SV2C: variants seen among roughly 807,000 people sequenced by gnomAD.
The protein encoded by SV2C is solute carrier family 22 member B3.
A neutral mutation model predicts 79.7 loss-of-function variants in SV2C; 49 were observed. The ratio of observed to expected loss-of-function variants is 0.61; its 90% CI spans 0.49 to 0.78. The LOEUF (loss-of-function observed/expected upper bound fraction) is 0.78. SV2C is among the 30% of genes least tolerant of loss of function. The pLI, the probability that SV2C is intolerant of heterozygous loss-of-function variation, is 0.00. For synonymous variants in SV2C, 334 were observed against 333.2 expected (o/e 1.00, Z -0.03); for missense variants, 833 against 912.9 (o/e 0.91, Z 1.13).
chr5:76,072,402 G>A, the SV2C span, among the ~76,000 whole-genome samples: 2 of 152,192 alleles, frequency 1.3e-5, no homozygotes, highest in African/African-American at 4.8e-5. Context: ...TTGTACTACA[G>A]GAAATGAAAT....
chr5:75,855,798 A>G, the SV2C span, among the ~76,000 whole-genome samples: 2 of 152,184 alleles, frequency 1.3e-5, no homozygotes, highest in South Asian at 4.1e-4. Context: ...TTGAATTACA[A>G]ATGATCCAGT....
the SV2C span, among the ~76,000 whole-genome samples, chr5:76,066,848 T>G: frequency 6.6e-6 from 1 of 151,400 alleles, no homozygotes; most frequent in Non-Finnish European, 1.5e-5. Context: ...CAGACTTCAT[T>G]GCCAAGGAAA....
rs116202684 is a variant in SV2C at position 76,175,010 on chromosome 5, G to A, written c.581-19909G>A. Among the ~76,000 whole-genome samples, 1,425 of 152,290 alleles carry A rather than the reference G, an allele frequency of 9.4e-3. 15 individuals are homozygous for A. The highest frequency in any genetic ancestry group is 0.032 in the African/African-American group (1,344 of 41,542). Reference sequence around the variant, plus strand: ...TGGCGGTCTAACTGACTAAATTTCAGGTAAGGTGAAATCTCAGACCCCTCA... The same window carrying A: ...TGGCGGTCTAACTGACTAAATTTCAAGTAAGGTGAAATCTCAGACCCCTCA... On this transcript the variant is annotated intron_variant, in intron 2 of 12. Coordinates refer to ENST00000502798, the MANE Select transcript of SV2C (RefSeq NM_014979.4).
At chr5:75,962,840 T>A in the SV2C span, among the ~76,000 whole-genome samples, 1 of 152,054 alleles carries the variant, frequency 6.6e-6, no homozygotes, top group Non-Finnish European at 1.5e-5. Flanking sequence ...GGGAGGGGAA[T>A]GGTTCCCACA....
the SV2C span, among the ~76,000 whole-genome samples, chr5:75,938,868 T>A: frequency 6.6e-6 from 1 of 152,212 alleles, no homozygotes; most frequent in South Asian, 2.1e-4. Flanking sequence ...TTAATATAAA[T>A]CACAGTGGAT....
chr5:76,111,393 T>A (rs1370350817), intron 1 of SV2C, among the ~76,000 whole-genome samples: 3 of 152,222 alleles, frequency 2.0e-5, no homozygotes, highest in Non-Finnish European at 2.9e-5. Flanking sequence ...TGAATATTTT[T>A]AAATAATTCA....
At chr5:75,956,590 G>C in the SV2C span, among the ~76,000 whole-genome samples, 1 of 151,816 alleles carries the variant, frequency 6.6e-6, no homozygotes, top group Non-Finnish European at 1.5e-5. Flanking sequence ...GTAGATGGAG[G>C]GTAGCTCGGG....
exon 13 of SV2C, chr5:76,353,261 G>A: frequency 3.6e-6 from 1 of 276,676 alleles, no homozygotes; most frequent in East Asian, 1.2e-4. Context: ...CCATTTTTGA[G>A]GATTAAAATT....
At chr5:76,156,570 G>A (rs558393551) in intron 2 of SV2C, among the ~76,000 whole-genome samples, 1 of 152,220 alleles carries the variant, frequency 6.6e-6, no homozygotes, top group South Asian at 2.1e-4. Context: ...TACTGGCTGT[G>A]AGAGCAAACA....
the SV2C span, among the ~76,000 whole-genome samples, chr5:76,001,835 G>C: frequency 6.6e-6 from 1 of 152,076 alleles, no homozygotes; most frequent in African/African-American, 2.4e-5. Context: ...GGGGAAACAG[G>C]TGGTGTTCAG....
the SV2C span, among the ~76,000 whole-genome samples, chr5:75,866,878 G>A: frequency 6.6e-6 from 1 of 152,144 alleles, no homozygotes; most frequent in Admixed American, 6.5e-5. Flanking sequence ...CCCTGAGAAA[G>A]GGGCTTTCTA....
rs11429825 is a variant in SV2C at position 76,177,114 on chromosome 5, CA to C, written c.581-17795del. ...TGGGCGACAGAGCGAGACTCTGTCT[CA>C]AAAAAAAAACAACAAAAAACAGAAA... On this transcript the variant is annotated intron_variant, in intron 2 of 12. Coordinates refer to ENST00000502798, the MANE Select transcript of SV2C (RefSeq NM_014979.4). 1.2e-3 allele frequency among the ~76,000 whole-genome samples: 170 copies of C among 138,892 alleles called. 1 individual carries two copies. Among genetic ancestry groups the C allele is most frequent in the Admixed American group, 2.2e-3 (31 of 14,154 alleles). 91.1% of individuals were successfully genotyped at this position (138,892 alleles called of 152,430 possible).
chr5:76,084,826 G>A (rs994793940), intron 1 of SV2C, among the ~76,000 whole-genome samples: 1 of 151,914 alleles, frequency 6.6e-6, no homozygotes, highest in African/African-American at 2.4e-5. Context: ...GGGGCAGAGG[G>A]GGGCGGGAGG....
the SV2C span, among the ~76,000 whole-genome samples, chr5:75,951,728 T>G: frequency 6.6e-6 from 1 of 152,030 alleles, no homozygotes; most frequent in South Asian, 2.1e-4. Flanking sequence ...GTGTAACTGG[T>G]TATGTTGGAT....
downstream of SV2C, among the ~76,000 whole-genome samples, chr5:76,336,010 G>C (rs1364534094): frequency 6.6e-6 from 1 of 151,304 alleles, no homozygotes; most frequent in Non-Finnish European, 1.5e-5. Context: ...GGGCAGAGGC[G>C]CCCCTCACCT....
chr5:75,977,646 G>A, the SV2C span, among the ~76,000 whole-genome samples: 2 of 152,108 alleles, frequency 1.3e-5, no homozygotes, highest in South Asian at 4.1e-4. Flanking sequence ...GGGCTGAAAG[G>A]GAGCCTCACT....
chr5:75,900,372 A>T, the SV2C span, among the ~76,000 whole-genome samples: 1,167 of 152,298 alleles, frequency 7.7e-3, 10 homozygotes, highest in Non-Finnish European at 0.012. Context: ...TCTTTTCTTT[A>T]AGAATGTTGA....
At chr5:76,243,505 C>T (rs1190381877) in intron 4 of SV2C, among the ~76,000 whole-genome samples, 1 of 152,046 alleles carries the variant, frequency 6.6e-6, no homozygotes, top group Non-Finnish European at 1.5e-5. Context: ...TAAAAGATGG[C>T]TTTTCCTGGA....
chr5:76,146,961 C>T (rs1296909237), intron 2 of SV2C, among the ~76,000 whole-genome samples: 1 of 151,926 alleles, frequency 6.6e-6, no homozygotes, highest in African/African-American at 2.4e-5. Flanking sequence ...ACAAATATTG[C>T]CTATGAATTA....
Sources: gnomAD v4.1 joint callset for allele counts (sites outside exome capture counted in the v4.1 genomes callset) on GRCh38, gnomAD v4.1.1 for gene constraint, MANE v1.5 for transcripts, NCBI Gene and HGNC (gene_info 2026-07-23, HGNC 2026-07-21) for gene names.